The following BCO2 variants were observed in gnomAD, a reference collection of about 807,000 sequenced individuals.
BCO2 encodes beta-carotene oxygenase 2.
BCO2 carries 56 observed loss-of-function variants against 65.8 expected under a neutral mutation model. The observed-to-expected ratio is 0.85, with a 90% CI of 0.69 to 1.06. The LOEUF (loss-of-function observed/expected upper bound fraction) is 1.06. Among genes scored for constraint, BCO2 ranks in the 50% least tolerant of loss-of-function variants. The pLI, the probability that BCO2 is intolerant of heterozygous loss-of-function variation, is 0.00. For missense variants in BCO2, 675 were observed against 698.5 expected, an observed-to-expected ratio of 0.97 and a Z score of 0.38; for synonymous variants, 233 against 242.3, an observed-to-expected ratio of 0.96 and a Z score of 0.36.
chr11:112,206,668 G>C (rs1309581735), intron 8 of BCO2, among the ~76,000 whole-genome samples: 5 of 152,078 alleles, frequency 3.3e-5, no homozygotes, highest in Non-Finnish European at 7.4e-5. Context: ...TTTTTCCCCA[G>C]CCCATAGGTC....
chr11:112,214,314 T>G (rs781226564), intron 9 of BCO2, among the ~76,000 whole-genome samples: 5 of 151,954 alleles, frequency 3.3e-5, no homozygotes, highest in African/African-American at 4.8e-5. Context: ...GCCCGGCTAA[T>G]GTATTTGTAT....
At chr11:112,211,325 C>T (rs925377449) in intron 8 of BCO2, among the ~76,000 whole-genome samples, 1 of 81,814 alleles carries the variant, frequency 1.2e-5, no homozygotes, top group Non-Finnish European at 3.3e-5. Context: ...TGTATACACA[C>T]ACACACACAC....
intron 2 of BCO2, chr11:112,181,937 T>A (rs1867062089): frequency 1.7e-6 from 1 of 591,064 alleles, no homozygotes; most frequent in Middle Eastern, 4.8e-4. Flanking sequence ...GGGAGAAAAT[T>A]TTTGCAATCT....
At chr11:112,215,129 AC>A in intron 10 of BCO2, 185 bp downstream of exon 10, 1 of 601,952 alleles carries the variant, frequency 1.7e-6, no homozygotes, top group Non-Finnish European at 2.9e-6. Flanking sequence ...ATCCAAATTG[AC>A]CCCAGGCCCA....
chr11:112,184,210 T>C (rs570634922), intron 2 of BCO2, among the ~76,000 whole-genome samples: 1 of 152,194 alleles, frequency 6.6e-6, no homozygotes, highest in African/African-American at 2.4e-5. Context: ...TAAAGGCCAA[T>C]GTAATATAAT....
intron 2 of BCO2, among the ~76,000 whole-genome samples, chr11:112,192,516 G>T (rs1236968337): frequency 6.6e-6 from 1 of 151,814 alleles, no homozygotes; most frequent in Non-Finnish European, 1.5e-5. Flanking sequence ...TAATCATATG[G>T]ACAAAAATGA....
At chr11:112,208,358 A>G (rs555130287) in intron 8 of BCO2, among the ~76,000 whole-genome samples, 1 of 151,644 alleles carries the variant, frequency 6.6e-6, no homozygotes, top group East Asian at 1.9e-4. Flanking sequence ...TTTTACATCT[A>G]TAATATCATA....
chr11:112,200,779 G>A lies in BCO2; in HGVS notation c.1026+6G>A. 1 of 1,607,992 alleles carries A rather than the reference G, an allele frequency of 6.2e-7. No homozygotes were observed. Among genetic ancestry groups the A allele is most frequent in the South Asian group, 1.1e-5 (1 of 89,344 alleles). ...TGGAAAAACGCACTGGACAGGTGGA[G>A]TATTTTGAGTATATTTATCATGAAA... On this transcript the variant is annotated splice_donor_region_variant and intron_variant, in intron 7 of 11. Transcript: ENST00000357685.
At chr11:112,187,807 T>C (rs890204915) in intron 2 of BCO2, among the ~76,000 whole-genome samples, 44 of 151,614 alleles carry the variant, frequency 2.9e-4, no homozygotes, top group Admixed American at 2.4e-3. Context: ...GGATTTAGCG[T>C]CATCACTGAA....
At chr11:112,195,995 C>T (rs1867562891) in intron 5 of BCO2, among the ~76,000 whole-genome samples, 1 of 152,152 alleles carries the variant, frequency 6.6e-6, no homozygotes, top group Admixed American at 6.6e-5. Context: ...TGTTACTTTG[C>T]CTCAGTTTGC....
intron 5 of BCO2, 144 bp downstream of exon 5, chr11:112,194,899 C>T: frequency 1.9e-6 from 1 of 534,660 alleles, no homozygotes; most frequent in Non-Finnish European, 3.3e-6. Flanking sequence ...TCTCTCTCCT[C>T]TTTATTACTT....
At chr11:112,184,466 G>A (rs1188331130) in intron 2 of BCO2, among the ~76,000 whole-genome samples, 1 of 151,992 alleles carries the variant, frequency 6.6e-6, no homozygotes, top group Admixed American at 6.6e-5. Flanking sequence ...TGTTAGCCAG[G>A]ATGGTCTCGA....
intron 7 of BCO2, 29 bp downstream of exon 7, chr11:112,200,802 A>G: frequency 1.3e-6 from 2 of 1,596,402 alleles, no homozygotes; most frequent in Non-Finnish European, 8.5e-7. Context: ...ATTTATCATG[A>G]AAATTGTTGG....
At chr11:112,187,657 C>T (rs190805369) in intron 2 of BCO2, among the ~76,000 whole-genome samples, 136 of 152,236 alleles carry the variant, frequency 8.9e-4, no homozygotes, top group African/African-American at 3.0e-3. Flanking sequence ...CCCACCTCCG[C>T]ACTTCCCCAC....
chr11:112,216,002 A>G, intron 10 of BCO2: 2 of 497,676 alleles, frequency 4.0e-6, no homozygotes, highest in Non-Finnish European at 7.2e-6. Flanking sequence ...CACCAAGGGG[A>G]TGGTGCTAAG....
At position 112,194,764 on chromosome 11, in the gene BCO2, G is replaced by T; in HGVS notation, c.736+9G>T. 6.6e-7 allele frequency: 1 copy of T among 1,523,012 alleles called. No homozygotes were observed. The highest frequency in any genetic ancestry group is 9.1e-7 in the Non-Finnish European group (1 of 1,104,172). 94.3% of individuals were successfully genotyped at this position (1,523,012 alleles called of 1,614,324 possible). Reference sequence around the variant, plus strand: ...CTCCTTTGGGCCATATGGTAAAGTTGCAATAAAGGTCTTTTTAGAAATAAT... The same window carrying T: ...CTCCTTTGGGCCATATGGTAAAGTTTCAATAAAGGTCTTTTTAGAAATAAT... On this transcript the variant is annotated intron_variant, in intron 5 of 11. Coordinates refer to ENST00000357685, the MANE Select transcript of BCO2 (RefSeq NM_031938.7).
Position 112,218,704 on chromosome 11 carries a change from T to C in BCO2, c.*830T>C, listed in dbSNP as rs1186065871. The C allele has an allele frequency of 6.1e-6, 1 of 163,736 alleles. No individual in the cohort carries two copies. Among genetic ancestry groups the C allele is most frequent in the East Asian group, 1.7e-4 (1 of 5,842 alleles). The allele number at this position is 163,736 out of a possible 1,614,324, so 10.1% of individuals were successfully genotyped here. ...GTCAAGGATGTCATCGAAGAGTATT[T>C]CAAATGTAAGAAATGAACAAATAAA... On this transcript the variant is annotated 3_prime_UTR_variant, in exon 12 of 12. Coordinates refer to ENST00000357685, the MANE Select transcript of BCO2 (RefSeq NM_031938.7).
intron 2 of BCO2, among the ~76,000 whole-genome samples, chr11:112,186,352 C>T (rs1186487118): frequency 6.6e-6 from 1 of 152,168 alleles, no homozygotes; most frequent in Non-Finnish European, 1.5e-5. Context: ...TCTACTTTGT[C>T]CTCAAATCAG....
rs1366649097 is a variant in BCO2 at position 112,214,746 on chromosome 11, T to G, written c.1333-16T>G. On this transcript the variant is annotated splice_polypyrimidine_tract_variant and intron_variant, in intron 9 of 11. Transcript: ENST00000357685. ...AATTAAGCAACCACTACAAATCCTT[T>G]TGAAATCTCTTTTAGATCTGGTGCT... The G allele has an allele frequency of 1.3e-5, 21 of 1,606,046 alleles. No individual in the cohort carries two copies. The highest frequency in any genetic ancestry group is 1.8e-5 in the Non-Finnish European group (21 of 1,173,866).
Sources: allele counts gnomAD v4.1 joint callset (sites outside exome capture counted in the v4.1 genomes callset), GRCh38; gene constraint gnomAD v4.1.1; transcripts MANE v1.5; gene names NCBI Gene and HGNC (gene_info 2026-07-23, HGNC 2026-07-21).